Variants in KATNA1 observed in about 807,000 individuals in gnomAD.
KATNA1 encodes the protein katanin catalytic subunit A1, also known as katanin p60 ATPase-containing subunit A1.
In KATNA1, 42 loss-of-function variants were observed where a neutral mutation model predicts 62.6. The ratio of observed to expected loss-of-function variants is 0.67; its 90% CI spans 0.52 to 0.87. The LOEUF is 0.87. Ranked by LOEUF, KATNA1 falls within the 40% of genes least tolerant of loss-of-function variation. The pLI is 0.00. For synonymous variants in KATNA1, 186 were observed against 201.9 expected (o/e 0.92, Z 0.67); for missense variants, 498 against 612.5 (o/e 0.81, Z 1.97).
intron 4 of KATNA1, among the ~76,000 whole-genome samples, chr6:149,611,311 A>T (rs1778944318): frequency 6.6e-6 from 1 of 151,730 alleles, no homozygotes; most frequent in Non-Finnish European, 1.5e-5. Context: ...AAAATACAAA[A>T]ATTAGCTGAG....
At chr6:149,643,720 T>C (rs1780375214) in intron 1 of KATNA1, among the ~76,000 whole-genome samples, 1 of 151,962 alleles carries the variant, frequency 6.6e-6, no homozygotes, top group African/African-American at 2.4e-5. Context: ...GGTCTCATTC[T>C]GCAGCCCAGG....
At chr6:149,637,724 G>A (rs1315377488) in intron 2 of KATNA1, among the ~76,000 whole-genome samples, 1 of 151,958 alleles carries the variant, frequency 6.6e-6, no homozygotes, top group Non-Finnish European at 1.5e-5. Flanking sequence ...CTACTCGGGA[G>A]GCTTGAACCT....
chr6:149,645,316 G>A (rs1041451783), intron 1 of KATNA1, among the ~76,000 whole-genome samples: 13 of 152,010 alleles, frequency 8.6e-5, no homozygotes, highest in Admixed American at 2.0e-4. Context: ...GGTGGCCAGC[G>A]CCTGTAGTCC....
At chr6:149,618,501 T>C (rs1337511360) in intron 4 of KATNA1, among the ~76,000 whole-genome samples, 1 of 150,610 alleles carries the variant, frequency 6.6e-6, no homozygotes, top group Non-Finnish European at 1.5e-5. Context: ...AAAAAAGAAA[T>C]AGAAAAGGAG....
rs9766101 is a variant in KATNA1 at position 149,604,554 on chromosome 6, C to G, written c.623+107G>C. On this transcript the variant is annotated intron_variant, in intron 5 of 10. Transcript: ENST00000367411. ...AGTCATGCTCACGCTGCACATACTC[C>G]GGTTCTGTCCTCAAGCTCTGCTCTT... 1.1e-5 allele frequency: 13 copies of G among 1,175,992 alleles called. No individual in the cohort carries two copies. The African/African-American group carries it at 2.0e-4, about 18-fold the overall frequency. The allele number at this position is 1,175,992 out of a possible 1,614,324, so 72.8% of individuals were successfully genotyped here.
chr6:149,632,728 A>AT, intron 3 of KATNA1, 31 bp downstream of exon 3: 3 of 1,579,294 alleles, frequency 1.9e-6, no homozygotes, highest in Non-Finnish European at 2.6e-6. Context: ...GCTTCTTGGG[A>AT]TAACTGGTTT....
intron 3 of KATNA1, among the ~76,000 whole-genome samples, chr6:149,628,264 A>ATT (rs554916406): frequency 0.024 from 3,139 of 129,538 alleles, 64 homozygotes; most frequent in Admixed American, 0.056. Context: ...TGCCCGGCTA[A>ATT]TTTTTTTTTT....
At chr6:149,610,805 G>C (rs773749090) in intron 4 of KATNA1, among the ~76,000 whole-genome samples, 1 of 152,114 alleles carries the variant, frequency 6.6e-6, no homozygotes, top group Non-Finnish European at 1.5e-5. Flanking sequence ...CAGCACTTTG[G>C]GATCACACCA....
chr6:149,621,389 G>A (rs959160429), intron 4 of KATNA1, among the ~76,000 whole-genome samples: 1 of 152,036 alleles, frequency 6.6e-6, no homozygotes, highest in Non-Finnish European at 1.5e-5. Context: ...CTCCCAAAGT[G>A]CTGGGATTAC....
At chr6:149,597,998 T>C (rs925287862) in intron 8 of KATNA1, 6 of 518,046 alleles carry the variant, frequency 1.2e-5, no homozygotes, top group Admixed American at 3.6e-5. Context: ...ACCAAAAGGG[T>C]GCCCTGTGTG....
At chr6:149,622,350 G>C (rs565646104) in intron 4 of KATNA1, among the ~76,000 whole-genome samples, 1 of 151,908 alleles carries the variant, frequency 6.6e-6, no homozygotes. Flanking sequence ...TTGTTTTTAC[G>C]TAAAAGAATG....
At chr6:149,616,084 T>C (rs1375765391) in intron 4 of KATNA1, among the ~76,000 whole-genome samples, 1 of 152,196 alleles carries the variant, frequency 6.6e-6, no homozygotes, top group Non-Finnish European at 1.5e-5. Flanking sequence ...TGGTGAGTTA[T>C]TGTTTAATGA....
chr6:149,620,728 C>G (rs2070468324), intron 4 of KATNA1, among the ~76,000 whole-genome samples: 1 of 152,116 alleles, frequency 6.6e-6, no homozygotes, highest in Non-Finnish European at 1.5e-5. Context: ...TTGATCATTA[C>G]CCATTGTATA....
intron 7 of KATNA1, among the ~76,000 whole-genome samples, chr6:149,601,203 T>C (rs989321830): frequency 6.6e-6 from 1 of 152,192 alleles, no homozygotes; most frequent in African/African-American, 2.4e-5. Context: ...TTTGGTGCAG[T>C]TAATAGATCG....
At chr6:149,603,490 T>C (rs947538882) in intron 5 of KATNA1, 117 bp from the exon 6 acceptor site, 12 of 542,788 alleles carry the variant, frequency 2.2e-5, no homozygotes, top group Non-Finnish European at 3.6e-5. Context: ...TGAGCCTCTC[T>C]CTGAGCCCGG....
At chr6:149,640,521 G>A (rs1780238198) in intron 1 of KATNA1, among the ~76,000 whole-genome samples, 1 of 151,842 alleles carries the variant, frequency 6.6e-6, no homozygotes, top group South Asian at 2.1e-4. Flanking sequence ...CTGTAAGTAT[G>A]GTGGGGGTTT....
chr6:149,618,190 A>G (rs1779253872), intron 4 of KATNA1, among the ~76,000 whole-genome samples: 1 of 149,752 alleles, frequency 6.7e-6, no homozygotes, highest in African/African-American at 2.4e-5. Context: ...AGAAAGAAAA[A>G]AAATTGGTTG....
At chr6:149,615,875 A>G (rs902551773) in intron 4 of KATNA1, among the ~76,000 whole-genome samples, 2 of 152,234 alleles carry the variant, frequency 1.3e-5, no homozygotes, top group African/African-American at 4.8e-5. Flanking sequence ...GACACTTTAG[A>G]TCTAGACACA....
chr6:149,632,991 C>A, intron 2 of KATNA1, 75 bp from the exon 3 acceptor site: 1 of 1,146,718 alleles, frequency 8.7e-7, no homozygotes, highest in Non-Finnish European at 1.2e-6. Flanking sequence ...GGGCCATTTA[C>A]TAGAGATGTT....
Sources: gnomAD v4.1 joint callset for allele counts (sites outside exome capture counted in the v4.1 genomes callset) on GRCh38, gnomAD v4.1.1 for gene constraint, MANE v1.5 for transcripts, NCBI Gene and HGNC (gene_info 2026-07-23, HGNC 2026-07-21) for gene names.